The following SLC8A3 variants were observed in gnomAD, a reference collection of about 807,000 sequenced individuals.
SLC8A3 encodes the protein solute carrier family 8 member A3.
Under a neutral mutation model 65.4 loss-of-function variants are expected in SLC8A3, and 37 were observed. That is an observed-to-expected ratio of 0.57 (90% CI 0.44 to 0.74). The LOEUF is 0.74. Ranked by LOEUF, SLC8A3 falls within the 30% of genes least tolerant of loss-of-function variation. The pLI, the probability that SLC8A3 is intolerant of heterozygous loss-of-function variation, is 0.00. For synonymous variants in SLC8A3, 461 were observed against 444.5 expected, an observed-to-expected ratio of 1.04 and a Z score of -0.47; for missense variants, 1,112 against 1,172.1, an observed-to-expected ratio of 0.95 and a Z score of 0.75.
chr14:70,048,828 G>C lies in SLC8A3; in HGVS notation c.2328C>G (p.Thr776=), dbSNP rs757067832. The C allele has an allele frequency of 1.2e-6, 2 of 1,614,152 alleles. No homozygotes were observed. Among genetic ancestry groups the C allele is most frequent in the East Asian group, 2.2e-5 (1 of 44,886 alleles). Residue 776 remains threonine, a synonymous_variant, in exon 6 of 7, where the codon ACC becomes ACG. Coordinates refer to ENST00000356921, the MANE Select transcript of SLC8A3 (RefSeq NM_182932.3). ...IGDLASHFGC[T]IGLKDSVTAV... is the part of the protein sequence containing the mutation. ...CTGTGACTGAATCTTTGAGACCAAT[G>C]GTGCAGCCGAAGTGCGAGGCCAGGT...
chr14:70,143,156 A>G (rs1895687197), intron 2 of SLC8A3, among the ~76,000 whole-genome samples: 1 of 152,184 alleles, frequency 6.6e-6, no homozygotes, highest in South Asian at 2.1e-4. Context: ...TTGGTGGTAT[A>G]AAATTCCTTT....
chr14:70,092,757 G>T (rs1184457232), intron 2 of SLC8A3, among the ~76,000 whole-genome samples: 1 of 152,024 alleles, frequency 6.6e-6, no homozygotes, highest in Non-Finnish European at 1.5e-5. Context: ...TGGCCTAAAA[G>T]AAAAAAGAAA....
intron 2 of SLC8A3, among the ~76,000 whole-genome samples, chr14:70,142,162 G>C (rs1895620023): frequency 1.3e-5 from 2 of 152,228 alleles, no homozygotes; most frequent in Non-Finnish European, 2.9e-5. Context: ...AAGCAGGCCT[G>C]ATATGGAGGG....
chr14:70,137,983 C>T (rs1021104350), intron 2 of SLC8A3, among the ~76,000 whole-genome samples: 2 of 152,170 alleles, frequency 1.3e-5, no homozygotes, highest in Admixed American at 6.5e-5. Flanking sequence ...CATCACTCCG[C>T]TCAATCTCCT....
At chr14:70,055,832 C>G (rs766431826) in intron 3 of SLC8A3, 1 of 1,607,332 alleles carries the variant, frequency 6.2e-7, no homozygotes, top group South Asian at 1.1e-5. Flanking sequence ...AAATGGATAC[C>G]AGAAAAATGG....
chr14:70,126,345 G>T (rs1894441587), intron 2 of SLC8A3, among the ~76,000 whole-genome samples: 1 of 152,090 alleles, frequency 6.6e-6, no homozygotes, highest in Non-Finnish European at 1.5e-5. Flanking sequence ...TCTCTTACTT[G>T]TGAAATGTGC....
intron 1 of SLC8A3, among the ~76,000 whole-genome samples, chr14:70,175,820 C>T (rs61978204): frequency 0.056 from 8,562 of 151,598 alleles, 359 homozygotes; most frequent in Non-Finnish European, 0.086. Flanking sequence ...CCGCAACCTC[C>T]GCCTCCCAGG....
chr14:70,069,344 C>G (rs1889786069), intron 2 of SLC8A3, among the ~76,000 whole-genome samples: 1 of 152,164 alleles, frequency 6.6e-6, no homozygotes, highest in African/African-American at 2.4e-5. Flanking sequence ...TGAGTACAGG[C>G]TGGGCTTCTG....
chr14:70,149,818 A>C (rs1318591047), intron 2 of SLC8A3, among the ~76,000 whole-genome samples: 3 of 151,730 alleles, frequency 2.0e-5, no homozygotes, highest in Non-Finnish European at 4.4e-5. Flanking sequence ...CTTTCCCTTC[A>C]TCTCCAAAAC....
chr14:70,117,543 G>A (rs1014767441), intron 2 of SLC8A3, among the ~76,000 whole-genome samples: 2 of 152,104 alleles, frequency 1.3e-5, no homozygotes, highest in Admixed American at 1.3e-4. Flanking sequence ...ACTTCTTTAG[G>A]TTGCTCTTAA....
chr14:70,124,885 C>A (rs573599944), intron 2 of SLC8A3, among the ~76,000 whole-genome samples: 11 of 152,348 alleles, frequency 7.2e-5, no homozygotes, highest in African/African-American at 2.4e-4. Flanking sequence ...TTAGCAACAT[C>A]TGCAACTGTC....
intron 2 of SLC8A3, among the ~76,000 whole-genome samples, chr14:70,125,280 T>C (rs1252893754): frequency 6.6e-6 from 1 of 152,210 alleles, no homozygotes; most frequent in African/African-American, 2.4e-5. Flanking sequence ...ACCCAAATAA[T>C]GTACGTTGTA....
chr14:70,098,110 G>A (rs1892309721), intron 2 of SLC8A3, among the ~76,000 whole-genome samples: 1 of 152,132 alleles, frequency 6.6e-6, no homozygotes, highest in Admixed American at 6.5e-5. Context: ...GGCCAACTAA[G>A]CTCATGGAAA....
At chr14:70,159,362 T>A (rs1167890181) in intron 2 of SLC8A3, among the ~76,000 whole-genome samples, 3 of 149,660 alleles carry the variant, frequency 2.0e-5, no homozygotes, top group Admixed American at 6.8e-5. Context: ...GAGCTCAGAT[T>A]ATGCCACTTC....
chr14:70,070,996 C>A (rs1889956485), intron 2 of SLC8A3, among the ~76,000 whole-genome samples: 1 of 152,182 alleles, frequency 6.6e-6, no homozygotes, highest in South Asian at 2.1e-4. Flanking sequence ...CTCTGGTATA[C>A]CACTGACAGT....
At chr14:70,172,502 C>T (rs1366561163) in intron 1 of SLC8A3, among the ~76,000 whole-genome samples, 1 of 152,170 alleles carries the variant, frequency 6.6e-6, no homozygotes, top group Non-Finnish European at 1.5e-5. Flanking sequence ...GACTGTCCCA[C>T]ACCTGCTCAG....
At chr14:70,131,775 A>G (rs1290668201) in intron 2 of SLC8A3, among the ~76,000 whole-genome samples, 1 of 152,234 alleles carries the variant, frequency 6.6e-6, no homozygotes, top group African/African-American at 2.4e-5. Context: ...GTTGAAGTTC[A>G]GGGACATTAG....
rs1886713899 is a variant in SLC8A3, at chr14:70,045,954, C to T, written c.2759G>A (p.Gly920Glu). ...GAGGCTCTGTTGTGTGGCTTAGAAC[C>T]CCTTGATGTAGCAATAGGCCTCTAG... is the stretch of plus-strand genomic sequence containing the variant. The part of the protein sequence containing the change: ...ATLEAYCYIK[G>E]F The change falls in exon 7 of 7, where the codon GGG (glycine) becomes GAG (glutamate). Residue 920 changes from glycine (G) to glutamate (E), a missense_variant. Coordinates refer to ENST00000356921, the MANE Select transcript of SLC8A3 (RefSeq NM_182932.3). 3 of 1,591,762 alleles carry T rather than the reference C, an allele frequency of 1.9e-6. No individual in the cohort carries two copies. Among genetic ancestry groups the T allele is most frequent in the Non-Finnish European group, 2.6e-6 (3 of 1,165,654 alleles).
At chr14:70,171,182 G>T (rs1179656604) in intron 1 of SLC8A3, among the ~76,000 whole-genome samples, 1 of 152,208 alleles carries the variant, frequency 6.6e-6, no homozygotes, top group Non-Finnish European at 1.5e-5. Flanking sequence ...CCAACCCAGT[G>T]ACAGGAGGTG....
Sources: allele counts gnomAD v4.1 joint callset (sites outside exome capture counted in the v4.1 genomes callset), GRCh38; gene constraint gnomAD v4.1.1; transcripts MANE v1.5; gene names NCBI Gene and HGNC (gene_info 2026-07-23, HGNC 2026-07-21).